FBXW7: variants seen among roughly 807,000 people sequenced by gnomAD.
The protein encoded by FBXW7 is F-box and WD repeat domain containing 7, also known as F-box/WD repeat-containing protein 7.
A neutral mutation model predicts 86.3 loss-of-function variants in FBXW7; 11 were observed. The ratio of observed to expected loss-of-function variants is 0.13; its 90% CI spans 0.08 to 0.21. The LOEUF (loss-of-function observed/expected upper bound fraction) is 0.21, where lower values mean the gene tolerates loss of function less well. FBXW7 is among the 10% of genes least tolerant of loss of function. The pLI, the probability that FBXW7 is intolerant of heterozygous loss-of-function variation, is 1.00. For synonymous variants in FBXW7, 313 were observed against 297.9 expected (o/e 1.05, Z -0.52); for missense variants, 488 against 847.4 (o/e 0.58, Z 5.27).
In FBXW7 at chr4:152,535,452, G is replaced by A; in HGVS notation, c.-538C>T. On this transcript the variant is annotated 5_prime_UTR_variant, in exon 1 of 14. Coordinates refer to ENST00000281708, the MANE Select transcript of FBXW7 (RefSeq NM_001349798.2). ...CGGCGGCGTCGGTCCTGTTCTCTCC[G>A]CCGCCCCAGCCGCCGCTTCACATCG... 5.1e-6 allele frequency: 2 copies of A among 391,490 alleles called. No homozygotes were observed. The highest frequency in any genetic ancestry group is 4.4e-5 in the Admixed American group (1 of 22,480). The allele number at this position is 391,490 out of a possible 1,614,324, so 24.3% of individuals were successfully genotyped here.
At chr4:152,498,838 T>C (rs1746630120) in intron 2 of FBXW7, among the ~76,000 whole-genome samples, 1 of 151,714 alleles carries the variant, frequency 6.6e-6, no homozygotes. Flanking sequence ...TAAGAAAAAA[T>C]GACAGCAAAG....
chr4:152,463,784 C>T (rs888709987), intron 2 of FBXW7, among the ~76,000 whole-genome samples: 3 of 152,124 alleles, frequency 2.0e-5, no homozygotes, highest in Non-Finnish European at 4.4e-5. Flanking sequence ...ACATAATGAA[C>T]ACGAGACCAT....
intron 2 of FBXW7, among the ~76,000 whole-genome samples, chr4:152,475,463 C>A (rs1414029615): frequency 6.6e-6 from 1 of 152,046 alleles, no homozygotes. Flanking sequence ...TAATAAAACA[C>A]CAGGAACAAA....
At chr4:152,456,372 A>C (rs542528437) in intron 2 of FBXW7, among the ~76,000 whole-genome samples, 2,714 of 148,288 alleles carry the variant, frequency 0.018, 113 homozygotes, top group African/African-American at 0.064. Context: ...AAAAAAAAAA[A>C]AAAAAAAAAA....
chr4:152,413,813 A>C (rs1352732917), intron 2 of FBXW7, among the ~76,000 whole-genome samples: 2 of 152,198 alleles, frequency 1.3e-5, no homozygotes, highest in Non-Finnish European at 2.9e-5. Flanking sequence ...AACCCACAGT[A>C]AAATTATGTT....
At chr4:152,475,292 T>C (rs2149659848) in intron 2 of FBXW7, among the ~76,000 whole-genome samples, 1 of 152,024 alleles carries the variant, frequency 6.6e-6, no homozygotes, top group Non-Finnish European at 1.5e-5. Context: ...CCAGGCATGA[T>C]GGCACATGCC....
rs141719132 is a variant in FBXW7 at position 152,452,699 on chromosome 4, T to C, written c.-119-40170A>G. The stretch of plus-strand genomic sequence containing the variant: ...ATATATGTTTAACATAAAAAGAAAT[T>C]ATAAGAACAGCTTCTAAAACTCATC... On this transcript the variant is annotated intron_variant, in intron 2 of 13. Transcript: ENST00000281708. Among the ~76,000 whole-genome samples the C allele has an allele frequency of 5.8e-3, 877 of 152,264 alleles. 6 individuals are homozygous for C. Among genetic ancestry groups the C allele is most frequent in the Non-Finnish European group, 8.9e-3 (607 of 68,010 alleles).
In FBXW7 at chr4:152,359,722, C is replaced by T. The variant is rs925908293; in HGVS notation, c.502-9598G>A. On this transcript the variant is annotated intron_variant, in intron 4 of 13. Transcript: ENST00000281708. ...AGGTTGCAGTGAGCTGAGATCGTGCCGTTGCACTCCAGCCTGGGCAAAAAG... is the reference window on the plus strand; with the variant it reads ...AGGTTGCAGTGAGCTGAGATCGTGCTGTTGCACTCCAGCCTGGGCAAAAAG... 2.6e-5 allele frequency among the ~76,000 whole-genome samples: 4 copies of T among 151,718 alleles called. 1 individual carries two copies. The South Asian group carries it at 6.2e-4, about 24-fold the overall frequency.
chr4:152,419,913 G>A (rs1012180647), intron 2 of FBXW7, among the ~76,000 whole-genome samples: 2 of 152,008 alleles, frequency 1.3e-5, no homozygotes, highest in Non-Finnish European at 2.9e-5. Context: ...TGCCGGTGGG[G>A]GGTCTTATCT....
chr4:152,462,429 T>C (rs1287184355), intron 2 of FBXW7, among the ~76,000 whole-genome samples: 1 of 152,230 alleles, frequency 6.6e-6, no homozygotes, highest in Non-Finnish European at 1.5e-5. Flanking sequence ...CCCTGGGGTC[T>C]CCCCTATGCA....
chr4:152,533,921 G>A (rs906181388), intron 2 of FBXW7, among the ~76,000 whole-genome samples: 1 of 152,202 alleles, frequency 6.6e-6, no homozygotes, highest in African/African-American at 2.4e-5. Flanking sequence ...CTCAGCAGTG[G>A]CTTCAGACAG....
intron 2 of FBXW7, among the ~76,000 whole-genome samples, chr4:152,525,198 G>A (rs991840670): frequency 2.6e-5 from 4 of 152,116 alleles, no homozygotes; most frequent in African/African-American, 9.7e-5. Flanking sequence ...TCTAACTAGA[G>A]AGCCACTAGC....
intron 2 of FBXW7, among the ~76,000 whole-genome samples, chr4:152,430,512 T>C (rs1739789011): frequency 6.6e-6 from 1 of 151,524 alleles, no homozygotes; most frequent in Non-Finnish European, 1.5e-5. Context: ...ATGATATTTC[T>C]TACCATTAAA....
Position 152,324,190 on chromosome 4 carries a change from A to G in FBXW7, c.1849T>C (p.Leu617=). 6.2e-7 allele frequency: 1 copy of G among 1,610,564 alleles called. No individual in the cohort carries two copies. Among genetic ancestry groups the G allele is most frequent in the Admixed American group, 1.7e-5 (1 of 59,888 alleles). Residue 617 remains leucine, a synonymous_variant, in exon 13 of 14, where the codon TTG becomes CTG. Transcript: ENST00000281708. Reference sequence around the variant, plus strand: ...AAAGGTGAGTAAGACTTACCTTGCAATGTTTGTAAACACTGTCCTGTTTTG... The same window carrying G: ...AAAGGTGAGTAAGACTTACCTTGCAGTGTTTGTAAACACTGTCCTGTTTTG... The part of the protein sequence containing the change: ...DIKTGQCLQT[L]QGPNKHQSAV...
At chr4:152,331,543 G>A (rs1426242833) in intron 8 of FBXW7, among the ~76,000 whole-genome samples, 1 of 152,004 alleles carries the variant, frequency 6.6e-6, no homozygotes, top group African/African-American at 2.4e-5. Context: ...AAAGTAAAAG[G>A]GTGGTTGCCA....
At chr4:152,398,567 C>T (rs1367133353) in intron 4 of FBXW7, among the ~76,000 whole-genome samples, 1 of 151,728 alleles carries the variant, frequency 6.6e-6, no homozygotes, top group African/African-American at 2.4e-5. Flanking sequence ...AAGAACTAGA[C>T]AATACTGAAT....
At chr4:152,470,541 A>G (rs894041485) in intron 2 of FBXW7, among the ~76,000 whole-genome samples, 3 of 152,150 alleles carry the variant, frequency 2.0e-5, no homozygotes, top group Non-Finnish European at 4.4e-5. Context: ...AATCCATCCT[A>G]TGTTGGTACT....
chr4:152,466,621 T>G (rs1743465138), intron 2 of FBXW7, among the ~76,000 whole-genome samples: 1 of 151,816 alleles, frequency 6.6e-6, no homozygotes. Flanking sequence ...ATACATAAGT[T>G]TACAAAAACA....
chr4:152,324,930 A>G (rs1728878990), intron 12 of FBXW7: 1 of 152,974 alleles, frequency 6.5e-6, no homozygotes, highest in Non-Finnish European at 1.5e-5. Flanking sequence ...TAATTAGGAA[A>G]TGTGCCAAAA....
Sources: gnomAD v4.1 joint callset for allele counts (sites outside exome capture counted in the v4.1 genomes callset) on GRCh38, gnomAD v4.1.1 for gene constraint, MANE v1.5 for transcripts, NCBI Gene and HGNC (gene_info 2026-07-23, HGNC 2026-07-21) for gene names.